The following NCOA2 variants were observed in gnomAD, a reference collection of about 807,000 sequenced individuals.
NCOA2 encodes nuclear receptor coactivator 2.
A neutral mutation model predicts 145.1 loss-of-function variants in NCOA2; 21 were observed. That is an observed-to-expected ratio of 0.14 (90% CI 0.10 to 0.21). NCOA2 has a LOEUF of 0.21. Ranked by LOEUF, NCOA2 falls within the 10% of genes least tolerant of loss-of-function variation. The pLI, the probability that NCOA2 is intolerant of heterozygous loss-of-function variation, is 1.00. For synonymous variants in NCOA2, 619 were observed against 637.5 expected (o/e 0.97, Z 0.44); for missense variants, 1,472 against 1,837.6 (o/e 0.80, Z 3.64).
intron 10 of NCOA2, among the ~76,000 whole-genome samples, chr8:70,159,244 T>TATATATATATATGTATATATA: frequency 0.082 from 5,692 of 69,172 alleles, 917 homozygotes; most frequent in Non-Finnish European, 0.1. Context: ...ATATATATAT[T>TATATATATATATGTATATATA]TTTTTTTTTT....
At chr8:70,204,596 C>T (rs2133644212) in intron 4 of NCOA2, among the ~76,000 whole-genome samples, 1 of 152,238 alleles carries the variant, frequency 6.6e-6, no homozygotes, top group Middle Eastern at 3.4e-3. Context: ...AGTATTTTCT[C>T]CTGATATAAA....
At chr8:70,155,834 C>T (rs1285170765) in intron 11 of NCOA2, 137 bp downstream of exon 11, 12 of 717,784 alleles carry the variant, frequency 1.7e-5, no homozygotes, top group South Asian at 2.3e-5. Flanking sequence ...ACAGCTTCAG[C>T]GAGATTTTCA....
At chr8:70,233,240 A>C (rs1821308443) in intron 2 of NCOA2, among the ~76,000 whole-genome samples, 1 of 152,032 alleles carries the variant, frequency 6.6e-6, no homozygotes, top group African/African-American at 2.4e-5. Flanking sequence ...AAAAAAGATA[A>C]TACGTGTCAT....
chr8:70,273,594 A>G, intron 2 of NCOA2: 1 of 754,150 alleles, frequency 1.3e-6, no homozygotes, highest in Non-Finnish European at 2.3e-6. Flanking sequence ...CCTAAAGCCC[A>G]GACATCTCTG....
the NCOA2 span, among the ~76,000 whole-genome samples, chr8:70,429,077 T>G: frequency 4.6e-5 from 7 of 152,232 alleles, no homozygotes; most frequent in African/African-American, 1.4e-4. Flanking sequence ...TTCTGCCTCA[T>G]GCCAAAACAT....
rs944390975 is a variant in NCOA2 at position 70,300,520 on chromosome 8, G to A, written c.-76-3720C>T. 6.6e-5 allele frequency among the ~76,000 whole-genome samples: 10 copies of A among 152,262 alleles called. No individual in the cohort carries two copies. In the South Asian group the frequency reaches 1.5e-3, roughly 22 times the overall value. ...ACTAGCAGGTGGAGTAACACCTCAC[G>A]AGTCTGAGGCAAAAAGCAGTCAGGA... On this transcript the variant is annotated intron_variant, in intron 1 of 22. Coordinates refer to ENST00000452400, the MANE Select transcript of NCOA2 (RefSeq NM_006540.4).
intron 4 of NCOA2, among the ~76,000 whole-genome samples, chr8:70,199,560 C>T (rs1225806571): frequency 3.3e-5 from 5 of 151,814 alleles, no homozygotes; most frequent in Admixed American, 1.3e-4. Flanking sequence ...CAACGGGAGT[C>T]GCTGCAGACA....
chr8:70,439,025 A>G, the NCOA2 span, among the ~76,000 whole-genome samples: 4 of 152,158 alleles, frequency 2.6e-5, no homozygotes, highest in Admixed American at 6.5e-5. Flanking sequence ...CTTAGGGAAA[A>G]TTGGTAAAGT....
the NCOA2 span, among the ~76,000 whole-genome samples, chr8:70,445,656 T>C: frequency 6.6e-6 from 1 of 152,258 alleles, no homozygotes; most frequent in Non-Finnish European, 1.5e-5. Flanking sequence ...ACAGAGCTAC[T>C]GTAATCATGT....
intron 16 of NCOA2, among the ~76,000 whole-genome samples, chr8:70,129,950 G>A (rs952666923): frequency 6.6e-6 from 1 of 152,202 alleles, no homozygotes; most frequent in African/African-American, 2.4e-5. Context: ...GATTACAGGC[G>A]TGAGCCACCA....
the NCOA2 span, among the ~76,000 whole-genome samples, chr8:70,415,424 A>T: frequency 6.6e-6 from 1 of 152,214 alleles, no homozygotes; most frequent in African/African-American, 2.4e-5. Flanking sequence ...TAGGCACTCA[A>T]TAAATATTTG....
At chr8:70,205,118 C>T (rs1818301824) in intron 4 of NCOA2, among the ~76,000 whole-genome samples, 1 of 151,478 alleles carries the variant, frequency 6.6e-6, no homozygotes, top group Non-Finnish European at 1.5e-5. Context: ...AAACACTAAA[C>T]AAACACTAAA....
intron 2 of NCOA2, among the ~76,000 whole-genome samples, chr8:70,291,672 T>C (rs1826689026): frequency 6.6e-6 from 1 of 152,178 alleles, no homozygotes; most frequent in South Asian, 2.1e-4. Flanking sequence ...CCTTAAGAGG[T>C]GCGTGTCTTC....
intron 1 of NCOA2, among the ~76,000 whole-genome samples, chr8:70,371,927 T>A (rs1042381918): frequency 6.6e-6 from 1 of 152,206 alleles, no homozygotes; most frequent in Admixed American, 6.5e-5. Context: ...TGATGTCTAA[T>A]AAGTAAAACT....
At chr8:70,273,817 A>G in intron 2 of NCOA2, 1 of 570,332 alleles carries the variant, frequency 1.8e-6, no homozygotes, top group African/African-American at 1.9e-5. Context: ...AATTTGGATG[A>G]GGCTTCCAAG....
intron 2 of NCOA2, among the ~76,000 whole-genome samples, chr8:70,219,692 G>T (rs924680646): frequency 6.6e-6 from 1 of 151,980 alleles, no homozygotes; most frequent in African/African-American, 2.4e-5. Flanking sequence ...GAGGGTGGAG[G>T]GGGGGCAGAC....
At chr8:70,409,792 C>T in the NCOA2 span, among the ~76,000 whole-genome samples, 1 of 152,112 alleles carries the variant, frequency 6.6e-6, no homozygotes, top group African/African-American at 2.4e-5. Flanking sequence ...ATCACTTAAA[C>T]CTGCAAGGTT....
At chr8:70,222,181 A>G (rs1820197292) in intron 2 of NCOA2, among the ~76,000 whole-genome samples, 1 of 152,240 alleles carries the variant, frequency 6.6e-6, no homozygotes, top group Non-Finnish European at 1.5e-5. Flanking sequence ...TAAATCCAGA[A>G]AAATCTAGAA....
intron 9 of NCOA2, among the ~76,000 whole-genome samples, chr8:70,160,682 G>A (rs10649620): frequency 0.065 from 3,756 of 57,800 alleles, 157 homozygotes; most frequent in African/African-American, 0.15. Context: ...AGAGAGAGAG[G>A]GAGAGAGAGA....
Sources: gnomAD v4.1 joint callset for allele counts (sites outside exome capture counted in the v4.1 genomes callset) on GRCh38, gnomAD v4.1.1 for gene constraint, MANE v1.5 for transcripts, NCBI Gene and HGNC (gene_info 2026-07-23, HGNC 2026-07-21) for gene names.